INSR: variants seen among roughly 807,000 people sequenced by gnomAD.
INSR encodes insulin receptor.
Under a neutral mutation model 142.6 loss-of-function variants are expected in INSR, and 67 were observed. The observed-to-expected ratio is 0.47, with a 90% CI of 0.39 to 0.58. The LOEUF (loss-of-function observed/expected upper bound fraction) is 0.58, where lower values mean the gene tolerates loss of function less well. Among genes scored for constraint, INSR ranks in the 20% least tolerant of loss-of-function variants. The pLI, the probability that INSR is intolerant of heterozygous loss-of-function variation, is 0.00. For missense variants in INSR, 1,248 were observed against 1,833.2 expected, an observed-to-expected ratio of 0.68 and a Z score of 5.83; for synonymous variants, 756 against 743.1, an observed-to-expected ratio of 1.02 and a Z score of -0.28.
chr19:7,243,234 G>GTTTTTTTTT (rs1161289283), intron 2 of INSR, among the ~76,000 whole-genome samples: 13 of 68,218 alleles, frequency 1.9e-4, no homozygotes, highest in Non-Finnish European at 2.5e-4. Context: ...CACTGTTTTG[G>GTTTTTTTTT]TTTTTTTTTT....
chr19:7,253,563 C>T (rs1274035569), intron 2 of INSR, among the ~76,000 whole-genome samples: 1 of 152,116 alleles, frequency 6.6e-6, no homozygotes, highest in Non-Finnish European at 1.5e-5. Context: ...ATGCTAAGTC[C>T]AGTGTGTTGA....
At chr19:7,209,738 T>C (rs1333343974) in intron 2 of INSR, among the ~76,000 whole-genome samples, 1 of 152,078 alleles carries the variant, frequency 6.6e-6, no homozygotes, top group Non-Finnish European at 1.5e-5. Flanking sequence ...TATTCCATAA[T>C]AGATGTACAT....
At chr19:7,143,614 A>T (rs890134313) in intron 11 of INSR, among the ~76,000 whole-genome samples, 9 of 152,214 alleles carry the variant, frequency 5.9e-5, no homozygotes, top group Admixed American at 5.9e-4. Flanking sequence ...AATTCTTAGA[A>T]AAGGAATCAC....
intron 4 of INSR, 85 bp from the exon 5 acceptor site, chr19:7,172,519 C>T (rs982501524): frequency 5.5e-6 from 8 of 1,453,900 alleles, no homozygotes; most frequent in South Asian, 2.3e-5. Flanking sequence ...AGATAACCCT[C>T]AGGCTGCAAA....
In INSR at chr19:7,150,551, C is replaced by T. The variant is rs769791409; in HGVS notation, c.2232-19G>A. 1.2e-6 allele frequency: 2 copies of T among 1,613,832 alleles called. No individual in the cohort carries two copies. The highest frequency in any genetic ancestry group is 1.7e-6 in the Non-Finnish European group (2 of 1,179,772). ...GGTTTTTCTGTGGAAACAAAACCAACGCCTTTGAGGACAGAGGGAACTTCA... is the reference window on the plus strand; with the variant it reads ...GGTTTTTCTGTGGAAACAAAACCAATGCCTTTGAGGACAGAGGGAACTTCA... On this transcript the variant is annotated intron_variant, in intron 10 of 21. Coordinates refer to ENST00000302850, the MANE Select transcript of INSR (RefSeq NM_000208.4). This position sits in a 1 kb window ranked among gnomAD's most constrained non-coding sequence, Gnocchi z 4.2.
In INSR at chr19:7,150,497, C is replaced by T. The variant is rs1001920862; in HGVS notation, c.2267G>A (p.Arg756Lys). 1.5e-5 allele frequency: 24 copies of T among 1,614,158 alleles called. No homozygotes were observed. Among genetic ancestry groups the T allele is most frequent in the Non-Finnish European group, 1.9e-5 (22 of 1,180,000 alleles). ...CAGGGGTCGCACAGGTGAGTCATAC[C>T]TAGGGTCCTCGGCACCAGTGCCTGA... Reference protein sequence around the residue: ...TSSGTGAEDPRPSRKRRSLGD... With the variant: ...TSSGTGAEDPKPSRKRRSLGD... The change falls in exon 11 of 22, where the codon AGG becomes AAG. Residue 756 changes from arginine to lysine, a missense_variant and splice_region_variant. This residue lies in a region of INSR where 1,069 missense variants were observed against 1,654.0 expected (regional missense o/e 0.65). Coordinates refer to ENST00000302850, the MANE Select transcript of INSR (RefSeq NM_000208.4). The surrounding 1 kb of genome is among the most constrained non-coding windows in gnomAD (Gnocchi z 4.2).
At chr19:7,243,148 G>GC (rs541512205) in intron 2 of INSR, among the ~76,000 whole-genome samples, 1 of 148,744 alleles carries the variant, frequency 6.7e-6, no homozygotes, top group Non-Finnish European at 1.5e-5. Context: ...ACGTGACACA[G>GC]CCCTACAAAA....
At chr19:7,221,935 C>T (rs1288126228) in intron 2 of INSR, among the ~76,000 whole-genome samples, 1 of 151,890 alleles carries the variant, frequency 6.6e-6, no homozygotes, top group East Asian at 1.9e-4. Context: ...GGTTCTGAAG[C>T]AGCTGGGAAG....
chr19:7,193,605 ATTT>A (rs1381218331), intron 2 of INSR, among the ~76,000 whole-genome samples: 1 of 152,006 alleles, frequency 6.6e-6, no homozygotes, highest in Non-Finnish European at 1.5e-5. Flanking sequence ...GCCCTATTTT[ATTT>A]TTATTTTTTA....
intron 9 of INSR, among the ~76,000 whole-genome samples, chr19:7,153,393 ACAC>A (rs1251422662): frequency 0.054 from 210 of 3,902 alleles, no homozygotes; most frequent in South Asian, 0.11. Flanking sequence ...CGCACCACAC[ACAC>A]ACCACATACA....
chr19:7,201,654 A>C (rs147401959), intron 2 of INSR, among the ~76,000 whole-genome samples: 1 of 139,062 alleles, frequency 7.2e-6, no homozygotes, highest in East Asian at 2.1e-4. Context: ...AATAAATTAC[A>C]TCTATTTTCA....
intron 2 of INSR, among the ~76,000 whole-genome samples, chr19:7,255,963 A>C (rs1426945392): frequency 6.6e-6 from 1 of 152,074 alleles, no homozygotes; most frequent in Non-Finnish European, 1.5e-5. Flanking sequence ...CCTCTTTTAC[A>C]AAGGCCAACG....
intron 19 of INSR, among the ~76,000 whole-genome samples, chr19:7,122,037 G>T (rs1972503131): frequency 6.6e-6 from 1 of 152,108 alleles, no homozygotes; most frequent in Non-Finnish European, 1.5e-5. Context: ...TAGCTACTCA[G>T]GAGGCTGAGG....
At chr19:7,120,877 G>T (rs1327575145) in intron 19 of INSR, 128 bp from the exon 20 acceptor site, 2 of 1,140,790 alleles carry the variant, frequency 1.8e-6, no homozygotes, top group East Asian at 2.4e-5. Context: ...GCTCACCTGG[G>T]TGGTGGCCAA....
At chr19:7,263,242 G>GC (rs1312088576) in intron 2 of INSR, among the ~76,000 whole-genome samples, 1 of 151,124 alleles carries the variant, frequency 6.6e-6, no homozygotes, top group Non-Finnish European at 1.5e-5. Flanking sequence ...TCACACCACT[G>GC]CCCCCCAGCC....
intron 2 of INSR, among the ~76,000 whole-genome samples, chr19:7,244,931 CTTTTTTTTT>C (rs370936908): frequency 5.7e-5 from 5 of 88,058 alleles, no homozygotes; most frequent in African/African-American, 1.1e-4. Context: ...TTTGTTTTTG[CTTTTTTTTT>C]TTTTTTTTTT....
chr19:7,143,219 A>G (rs1401101752), intron 11 of INSR, 129 bp from the exon 12 acceptor site: 5 of 973,752 alleles, frequency 5.1e-6, no homozygotes, highest in Admixed American at 2.0e-5. Flanking sequence ...AATGGGGAAC[A>G]TGGATTACAA....
At chr19:7,132,087 C>T (rs1305369430) in intron 14 of INSR, 71 bp downstream of exon 14, 2 of 1,593,474 alleles carry the variant, frequency 1.3e-6, no homozygotes, top group Non-Finnish European at 1.7e-6. Context: ...TCCAAGTCAT[C>T]CCCTGCAATG....
At chr19:7,210,947 C>G (rs1975256997) in intron 2 of INSR, among the ~76,000 whole-genome samples, 1 of 151,912 alleles carries the variant, frequency 6.6e-6, no homozygotes, top group African/African-American at 2.4e-5. Context: ...CGAGGCTGGT[C>G]TCTAACTCCT....
Sources: gnomAD v4.1 joint callset for allele counts (sites outside exome capture counted in the v4.1 genomes callset) on GRCh38, gnomAD v4.1.1 for gene constraint, gnomAD v4.1.1 regional missense constraint, Gnocchi (gnomAD v3.1) non-coding constraint, MANE v1.5 for transcripts, NCBI Gene and HGNC (gene_info 2026-07-23, HGNC 2026-07-21) for gene names.